Variants in PCMT1 observed in about 807,000 individuals in gnomAD.
The protein encoded by PCMT1 is protein-L-isoaspartate (D-aspartate) O-methyltransferase.
Under a neutral mutation model 29.2 loss-of-function variants are expected in PCMT1, and 9 were observed. The ratio of observed to expected loss-of-function variants is 0.31; its 90% CI spans 0.19 to 0.54. The LOEUF is 0.54. Among genes scored for constraint, PCMT1 ranks in the 20% least tolerant of loss-of-function variants. The probability of loss-of-function intolerance (pLI) is 0.95; values close to 1 mark genes in which losing one functional copy is unlikely to be tolerated. For synonymous variants in PCMT1, 98 were observed against 97.5 expected (o/e 1.00, Z -0.03); for missense variants, 184 against 282.2 (o/e 0.65, Z 2.49).
chr6:149,758,876 AT>A (rs1056373759), intron 1 of PCMT1, among the ~76,000 whole-genome samples: 44 of 150,842 alleles, frequency 2.9e-4, no homozygotes, highest in Admixed American at 4.0e-4. Context: ...TATATTGTGA[AT>A]TTTTTTTTTC....
chr6:149,758,408 C>G (rs1786605395), intron 1 of PCMT1, among the ~76,000 whole-genome samples: 1 of 151,270 alleles, frequency 6.6e-6, no homozygotes, highest in Non-Finnish European at 1.5e-5. Context: ...GGCGAGGTTT[C>G]ACCATGTTGG....
intron 7 of PCMT1, among the ~76,000 whole-genome samples, chr6:149,809,147 G>A (rs1160916324): frequency 2.0e-5 from 3 of 147,920 alleles, no homozygotes; most frequent in African/African-American, 2.5e-5. Flanking sequence ...TAATCCCAGC[G>A]ACTCGGGAGG....
At chr6:149,771,605 C>A (rs959625327) in intron 2 of PCMT1, among the ~76,000 whole-genome samples, 1 of 152,194 alleles carries the variant, frequency 6.6e-6, no homozygotes, top group Non-Finnish European at 1.5e-5. Flanking sequence ...CAACCTTCAC[C>A]TCCTGGGTTC....
At chr6:149,803,194 A>G (rs986312914) in intron 7 of PCMT1, among the ~76,000 whole-genome samples, 3 of 151,944 alleles carry the variant, frequency 2.0e-5, no homozygotes, top group African/African-American at 7.3e-5. Context: ...AGGACATTCT[A>G]CCTCTCAGCT....
intron 1 of PCMT1, among the ~76,000 whole-genome samples, chr6:149,763,351 G>A (rs12175575): frequency 0.079 from 3,455 of 43,462 alleles, 903 homozygotes; most frequent in African/African-American, 0.47. Context: ...TTATTTAATA[G>A]CTTAGTAAAT....
intron 7 of PCMT1, among the ~76,000 whole-genome samples, chr6:149,807,511 C>T (rs559866977): frequency 1.1e-4 from 17 of 152,216 alleles, no homozygotes; most frequent in African/African-American, 4.1e-4. Flanking sequence ...GCTGGGACTA[C>T]AGGCACGCAC....
intron 7 of PCMT1, among the ~76,000 whole-genome samples, chr6:149,808,844 G>C (rs1431227174): frequency 6.6e-6 from 1 of 151,778 alleles, no homozygotes; most frequent in Non-Finnish European, 1.5e-5. Context: ...CACCATGTTA[G>C]CCAGGATGGT....
chr6:149,794,297 T>G (rs989742342), intron 5 of PCMT1, among the ~76,000 whole-genome samples: 1 of 152,180 alleles, frequency 6.6e-6, no homozygotes, highest in African/African-American at 2.4e-5. Flanking sequence ...TCCAGTTGTA[T>G]TCCCCAGACA....
chr6:149,782,297 T>G (rs576085264), intron 3 of PCMT1, among the ~76,000 whole-genome samples: 3 of 152,116 alleles, frequency 2.0e-5, no homozygotes, highest in Non-Finnish European at 2.9e-5. Context: ...TGCATAAATC[T>G]TAGCAGTATT....
intron 1 of PCMT1, among the ~76,000 whole-genome samples, chr6:149,769,515 T>C (rs939016714): frequency 7.9e-5 from 12 of 151,664 alleles, no homozygotes; most frequent in Non-Finnish European, 1.5e-4. Flanking sequence ...GGTTTCACCA[T>C]GTTGGACAGG....
Position 149,783,552 on chromosome 6 carries a change from C to T in PCMT1, c.193-6402C>T, listed in dbSNP as rs538776256. On this transcript the variant is annotated intron_variant, in intron 3 of 7. Coordinates refer to ENST00000464889, the MANE Select transcript of PCMT1 (RefSeq NM_001360452.2). ...TGGTGTGGTGGTCCAATATTATATACTTCTTAATGTGATGCTCTTAGGGAG... is the reference window on the plus strand; with the variant it reads ...TGGTGTGGTGGTCCAATATTATATATTTCTTAATGTGATGCTCTTAGGGAG... 8.5e-5 allele frequency among the ~76,000 whole-genome samples: 13 copies of T among 152,222 alleles called. No homozygotes were observed. In the East Asian group the frequency reaches 1.5e-3, roughly 18 times the overall value.
At chr6:149,782,094 T>C (rs769476594) in intron 3 of PCMT1, among the ~76,000 whole-genome samples, 18 of 152,218 alleles carry the variant, frequency 1.2e-4, no homozygotes, top group Non-Finnish European at 2.1e-4. Context: ...TAATTACTTA[T>C]ATTTTCTGAG....
chr6:149,771,547 C>T (rs964162772), intron 2 of PCMT1, among the ~76,000 whole-genome samples: 5 of 152,162 alleles, frequency 3.3e-5, no homozygotes, highest in Non-Finnish European at 7.3e-5. Flanking sequence ...GACGGAGTCT[C>T]ATTCTATCAT....
intron 5 of PCMT1, among the ~76,000 whole-genome samples, chr6:149,794,461 T>C (rs1788512539): frequency 6.6e-6 from 1 of 151,908 alleles, no homozygotes; most frequent in Non-Finnish European, 1.5e-5. Context: ...CTACTAAAAA[T>C]ACAAAAATAA....
In PCMT1 at chr6:149,805,443, A is replaced by C. The variant is rs1775981393; in HGVS notation, c.*37+3027A>C. ...CCCGTCTCTCCTAAAAATACAAAAAAATTAGCCGGGCGTGGTGGCAGGTAC... is the reference window on the plus strand; with the variant it reads ...CCCGTCTCTCCTAAAAATACAAAAACATTAGCCGGGCGTGGTGGCAGGTAC... On this transcript the variant is annotated intron_variant, in intron 7 of 7. Transcript: ENST00000464889. 2.0e-5 allele frequency among the ~76,000 whole-genome samples: 3 copies of C among 151,086 alleles called. No homozygotes were observed. In the South Asian group the frequency reaches 6.3e-4, roughly 32 times the overall value.
chr6:149,809,083 T>C (rs1389901082), intron 7 of PCMT1, among the ~76,000 whole-genome samples: 1 of 149,780 alleles, frequency 6.7e-6, no homozygotes, highest in Non-Finnish European at 1.5e-5. Context: ...GGTGAAACCC[T>C]GTCTCTACTA....
In PCMT1 at chr6:149,762,535, TATATATATCTATG is replaced by T. The variant is rs796671267; in HGVS notation, c.56-8618_56-8606del. ...ATATCTATGATATATATATCTATGA[TATATATATCTATG>T]ATATATATATATCTATGATATATAT... On this transcript the variant is annotated intron_variant, in intron 1 of 7. Transcript: ENST00000464889. Among the ~76,000 whole-genome samples, 86 of 15,410 alleles carry T rather than the reference TATATATATCTATG, an allele frequency of 5.6e-3. 17 individuals are homozygous for T. The highest frequency in any genetic ancestry group is 0.059 in the Middle Eastern group (2 of 34). 10.1% of individuals were successfully genotyped at this position (15,410 alleles called of 152,430 possible).
At chr6:149,768,919 G>A (rs1429190360) in intron 1 of PCMT1, among the ~76,000 whole-genome samples, 2 of 151,986 alleles carry the variant, frequency 1.3e-5, no homozygotes, top group African/African-American at 2.4e-5. Context: ...TAGCCACCGC[G>A]CCAGCCTGGC....
intron 3 of PCMT1, among the ~76,000 whole-genome samples, chr6:149,778,096 T>C (rs1044810859): frequency 1.3e-5 from 2 of 151,494 alleles, no homozygotes; most frequent in Non-Finnish European, 2.9e-5. Context: ...AGGCTGGTCT[T>C]GAACTCCTGG....
Sources: allele counts gnomAD v4.1 joint callset (sites outside exome capture counted in the v4.1 genomes callset), GRCh38; gene constraint gnomAD v4.1.1; transcripts MANE v1.5; gene names NCBI Gene and HGNC (gene_info 2026-07-23, HGNC 2026-07-21).